The following ACACB variants were observed in gnomAD, a reference collection of about 807,000 sequenced individuals.
ACACB encodes the protein acetyl-CoA carboxylase 2.
A neutral mutation model predicts 278.8 loss-of-function variants in ACACB; 209 were observed. The observed-to-expected ratio is 0.75, with a 90% CI of 0.67 to 0.84. ACACB has a LOEUF of 0.84. ACACB is among the 40% of genes least tolerant of loss of function. The pLI is 0.00. For synonymous variants in ACACB, 1,174 were observed against 1,285.6 expected, an observed-to-expected ratio of 0.91 and a Z score of 1.86; for missense variants, 2,850 against 3,269.0, an observed-to-expected ratio of 0.87 and a Z score of 3.13.
At chr12:109,147,186 T>C (rs12820677) in intron 2 of ACACB, among the ~76,000 whole-genome samples, 23,712 of 152,122 alleles carry the variant, frequency 0.16, 2,102 homozygotes, top group East Asian at 0.25. Context: ...TTAGTTGTCT[T>C]TGCAACATTT....
At chr12:109,176,100 G>A (rs1593471778) in intron 8 of ACACB, 53 bp from the exon 9 acceptor site, 2 of 1,611,924 alleles carry the variant, frequency 1.2e-6, no homozygotes, top group East Asian at 4.5e-5. Context: ...TGTCCTGGTA[G>A]CAGTTGGCAA....
At chr12:109,248,194 A>G (rs2046999728) in intron 40 of ACACB, among the ~76,000 whole-genome samples, 1 of 152,252 alleles carries the variant, frequency 6.6e-6, no homozygotes, top group African/African-American at 2.4e-5. Flanking sequence ...TTCCATAGTC[A>G]GATGAGTTTG....
chr12:109,128,241 C>G (rs574777270), intron 1 of ACACB, among the ~76,000 whole-genome samples: 1 of 151,728 alleles, frequency 6.6e-6, no homozygotes, highest in Non-Finnish European at 1.5e-5. Context: ...CTCCACCTCC[C>G]GGGTTCAAGT....
chr12:109,125,117 G>A (rs1404796208), intron 1 of ACACB: 2 of 152,070 alleles, frequency 1.3e-5, no homozygotes, highest in African/African-American at 4.8e-5. Context: ...TCCTTTTTTT[G>A]TGTGTGGGCG....
At chr12:109,195,753 C>T (rs972676250) in intron 16 of ACACB, among the ~76,000 whole-genome samples, 1 of 151,912 alleles carries the variant, frequency 6.6e-6, no homozygotes, top group Non-Finnish European at 1.5e-5. Flanking sequence ...AGTCTAAACT[C>T]ATGTCTGTGG....
rs139921448 is a variant in ACACB, at chr12:109,119,810, G to A, written c.-10+3106G>A. ...CCTGGGAGGCTGAGGCAGGAGAATC[G>A]CTTGAAACTGGGAACCAGACGTTGC... On this transcript the variant is annotated intron_variant, in intron 1 of 52. Coordinates refer to ENST00000338432, the MANE Select transcript of ACACB (RefSeq NM_001093.4). 2.3e-3 allele frequency among the ~76,000 whole-genome samples: 353 copies of A among 152,046 alleles called. 2 individuals are homozygous for A. The highest frequency in any genetic ancestry group is 7.7e-3 in the African/African-American group (318 of 41,452).
At chr12:109,264,432 T>C (rs748878672) in intron 50 of ACACB, 46 bp downstream of exon 50, 1 of 1,606,940 alleles carries the variant, frequency 6.2e-7, no homozygotes, top group South Asian at 1.1e-5. Context: ...CCCACCCTGT[T>C]TTCCAAAACA....
At chr12:109,140,649 C>T (rs2043100937) in intron 2 of ACACB, among the ~76,000 whole-genome samples, 1 of 152,040 alleles carries the variant, frequency 6.6e-6, no homozygotes, top group Non-Finnish European at 1.5e-5. Context: ...AGGGCGAGAC[C>T]TTGTCTCAAA....
intron 2 of ACACB, among the ~76,000 whole-genome samples, chr12:109,143,673 C>T (rs2043173955): frequency 1.3e-5 from 2 of 152,270 alleles, no homozygotes; most frequent in South Asian, 2.1e-4. Context: ...CCTCAAGGAA[C>T]ATTCCCAGCC....
chr12:109,130,827 C>T (rs1188933955), intron 1 of ACACB, among the ~76,000 whole-genome samples: 1 of 152,184 alleles, frequency 6.6e-6, no homozygotes, highest in Non-Finnish European at 1.5e-5. Context: ...ACTGTTGCTT[C>T]TCTTTCCTGC....
At chr12:109,146,027 A>T (rs901992949) in intron 2 of ACACB, among the ~76,000 whole-genome samples, 8 of 151,590 alleles carry the variant, frequency 5.3e-5, no homozygotes, top group African/African-American at 7.3e-5. Context: ...AATTATTATT[A>T]TTTTTTCTTG....
chr12:109,129,338 G>C (rs1056423586), intron 1 of ACACB, among the ~76,000 whole-genome samples: 3 of 152,292 alleles, frequency 2.0e-5, no homozygotes, highest in African/African-American at 7.2e-5. Flanking sequence ...TTTCTCGCCT[G>C]TGAAAGGAGC....
intron 28 of ACACB, among the ~76,000 whole-genome samples, chr12:109,229,052 C>T (rs1480015221): frequency 6.6e-6 from 1 of 152,058 alleles, no homozygotes; most frequent in Non-Finnish European, 1.5e-5. Context: ...AAGCGATTCT[C>T]CTGCCTCAGC....
rs1384976986 is a variant in ACACB at position 109,239,998 on chromosome 12, C to T, written c.4818+13C>T. Reference sequence around the variant, plus strand: ...GGACCCCTTCAAGGTCTCGCCTTTGCAGGGGGGCTCTCACCGGGCTCTGGG... The same window carrying T: ...GGACCCCTTCAAGGTCTCGCCTTTGTAGGGGGGCTCTCACCGGGCTCTGGG... On this transcript the variant is annotated intron_variant, in intron 35 of 52. Coordinates refer to ENST00000338432, the MANE Select transcript of ACACB (RefSeq NM_001093.4). The T allele has an allele frequency of 3.7e-6, 6 of 1,610,746 alleles. No homozygotes were observed. The highest frequency in any genetic ancestry group is 5.1e-6 in the Non-Finnish European group (6 of 1,178,316).
intron 25 of ACACB, 23 bp from the exon 26 acceptor site, chr12:109,222,776 C>T (rs1336326800): frequency 3.8e-6 from 6 of 1,595,742 alleles, no homozygotes; most frequent in African/African-American, 1.3e-5. Context: ...CTCACGCCAG[C>T]GCCCCCATCC....
intron 2 of ACACB, among the ~76,000 whole-genome samples, chr12:109,152,215 C>G (rs113080433): frequency 1.4e-3 from 218 of 152,332 alleles, no homozygotes; most frequent in African/African-American, 4.6e-3. Flanking sequence ...AAGCAGTTCT[C>G]TTCTGCATGA....
At chr12:109,119,589 CA>C (rs11360249) in intron 1 of ACACB, among the ~76,000 whole-genome samples, 31,433 of 120,244 alleles carry the variant, frequency 0.26, 3,490 homozygotes, top group Admixed American at 0.4. Context: ...GACTCTGTCT[CA>C]AAAAAAAAAA....
chr12:109,243,879 A>G (rs59778012), intron 37 of ACACB, among the ~76,000 whole-genome samples: 8,105 of 146,410 alleles, frequency 0.055, 238 homozygotes, highest in Non-Finnish European at 0.074. Context: ...GAATGACATT[A>G]TATATATATA....
At chr12:109,141,966 A>C (rs2043134000) in intron 2 of ACACB, among the ~76,000 whole-genome samples, 1 of 152,110 alleles carries the variant, frequency 6.6e-6, no homozygotes, top group Non-Finnish European at 1.5e-5. Context: ...GGGATAATGT[A>C]GGCAGGCATG....
Sources: allele counts gnomAD v4.1 joint callset (sites outside exome capture counted in the v4.1 genomes callset), GRCh38; gene constraint gnomAD v4.1.1; transcripts MANE v1.5; gene names NCBI Gene and HGNC (gene_info 2026-07-23, HGNC 2026-07-21).